The following ATF3 variants were observed in gnomAD, a reference collection of about 807,000 sequenced individuals.
ATF3 encodes the protein cyclic AMP-dependent transcription factor ATF-3.
ATF3 carries 10 observed loss-of-function variants against 18.4 expected under a neutral mutation model. The ratio of observed to expected loss-of-function variants is 0.54; its 90% CI spans 0.34 to 0.92. The LOEUF (loss-of-function observed/expected upper bound fraction) is 0.92. Among genes scored for constraint, ATF3 ranks in the 40% least tolerant of loss-of-function variants. ATF3 has a pLI of 0.02. For missense variants in ATF3, 183 were observed against 222.3 expected (o/e 0.82, Z 1.12); for synonymous variants, 78 against 87.9 (o/e 0.89, Z 0.63).
intron 1 of ATF3, among the ~76,000 whole-genome samples, chr1:212,567,225 G>T (rs778634993): frequency 4.0e-5 from 6 of 151,790 alleles, no homozygotes; most frequent in Non-Finnish European, 7.4e-5. Context: ...TGCAGCTGCC[G>T]TAGGAGCAGC....
intron 1 of ATF3, among the ~76,000 whole-genome samples, chr1:212,569,468 G>A (rs1364669314): frequency 6.6e-6 from 1 of 152,188 alleles, no homozygotes; most frequent in Non-Finnish European, 1.5e-5. Context: ...TTACTAGGAT[G>A]AAAGACAGGA....
At chr1:212,572,080 T>G (rs774559064) in intron 1 of ATF3, among the ~76,000 whole-genome samples, 4 of 152,228 alleles carry the variant, frequency 2.6e-5, no homozygotes, top group Non-Finnish European at 4.4e-5. Flanking sequence ...TGTACAGTGG[T>G]CTCAGAATAT....
At chr1:212,615,310 A>G in intron 2 of ATF3, 49 bp downstream of exon 2, 1 of 1,586,366 alleles carries the variant, frequency 6.3e-7, no homozygotes, top group Non-Finnish European at 8.6e-7. Context: ...TTTCGCTCGC[A>G]GCCACTGTGT....
intron 1 of ATF3, among the ~76,000 whole-genome samples, chr1:212,609,625 G>A (rs1654808637): frequency 6.6e-6 from 1 of 152,240 alleles, no homozygotes; most frequent in Non-Finnish European, 1.5e-5. Context: ...GGAAGACGGG[G>A]AGGGCTCCCG....
rs189712194 is a variant in ATF3, at chr1:212,582,320, G to T, written c.-5+16837G>T. Among the ~76,000 whole-genome samples, 241 of 152,288 alleles carry T rather than the reference G, an allele frequency of 1.6e-3. 1 individual carries two copies. Among genetic ancestry groups the T allele is most frequent in the Non-Finnish European group, 3.1e-3 (213 of 68,012 alleles). On this transcript the variant is annotated intron_variant, in intron 1 of 3. Transcript: ENST00000366981. ...GCCAGCCTCTGTAAATTCTGTATTGGTGAGCTCGTATTAATGCATTTTCTT... is the reference window on the plus strand; with the variant it reads ...GCCAGCCTCTGTAAATTCTGTATTGTTGAGCTCGTATTAATGCATTTTCTT...
rs769462789 is a variant in ATF3, at chr1:212,619,062, G to A, written c.349-296G>A. The A allele has an allele frequency of 1.9e-6, 3 of 1,614,204 alleles. No individual in the cohort carries two copies. Among genetic ancestry groups the A allele is most frequent in the Non-Finnish European group, 1.7e-6 (2 of 1,180,040 alleles). ...TCTCCCCAGCTCCCAAGGCCCTTTT[G>A]GGTCCAGAAGACCTGCATATGGGCT... On this transcript the variant is annotated intron_variant, in intron 3 of 3. Transcript: ENST00000341491. The surrounding 1 kb of genome is among the most constrained non-coding windows in gnomAD (Gnocchi z 4.4).
At chr1:212,571,491 T>C (rs1314445804) in intron 1 of ATF3, among the ~76,000 whole-genome samples, 1 of 152,052 alleles carries the variant, frequency 6.6e-6, no homozygotes, top group African/African-American at 2.4e-5. Context: ...TACTGCAACC[T>C]CCGCCTCCCA....
chr1:212,580,800 GCT>G (rs1231124746), intron 1 of ATF3, among the ~76,000 whole-genome samples: 1 of 151,998 alleles, frequency 6.6e-6, no homozygotes, highest in Non-Finnish European at 1.5e-5. Context: ...ACAGAGTCTC[GCT>G]CTGTCACCCA....
At chr1:212,581,766 C>T (rs1664689029) in intron 1 of ATF3, among the ~76,000 whole-genome samples, 1 of 151,996 alleles carries the variant, frequency 6.6e-6, no homozygotes, top group Non-Finnish European at 1.5e-5. Context: ...ATATCTTACA[C>T]ACAGATATAA....
At position 212,597,549 on chromosome 1, in the gene ATF3, C is replaced by T. The variant is rs182732534; in HGVS notation, c.-4-17469C>T. Among the ~76,000 whole-genome samples the T allele has an allele frequency of 8.5e-4, 129 of 152,178 alleles. 1 individual carries two copies. In the East Asian group the frequency reaches 0.019, roughly 23 times the overall value. Reference sequence around the variant, plus strand: ...CCCATATCAACCCTGCAAGGTGGGTCGTATTAGCTTTATGTTCAATGTTCC... The same window carrying T: ...CCCATATCAACCCTGCAAGGTGGGTTGTATTAGCTTTATGTTCAATGTTCC... On this transcript the variant is annotated intron_variant, in intron 1 of 3. Transcript: ENST00000366981.
intron 1 of ATF3, among the ~76,000 whole-genome samples, 174 bp from the exon 2 acceptor site, chr1:212,614,844 C>G (rs1194712939): frequency 6.6e-6 from 1 of 152,084 alleles, no homozygotes; most frequent in Non-Finnish European, 1.5e-5. Flanking sequence ...ATTTTAAGAA[C>G]CTGCTTTACT....
At chr1:212,616,654 G>C (rs996469670) in intron 2 of ATF3, among the ~76,000 whole-genome samples, 1 of 152,122 alleles carries the variant, frequency 6.6e-6, no homozygotes, top group African/African-American at 2.4e-5. Context: ...GGGCAGTAGG[G>C]GTAAGACAGA....
chr1:212,592,137 T>C (rs1025637408), intron 1 of ATF3, among the ~76,000 whole-genome samples: 3 of 151,500 alleles, frequency 2.0e-5, no homozygotes, highest in African/African-American at 7.3e-5. Context: ...TCTGTACCCA[T>C]TAAACAATAA....
rs1655261087 is a variant in ATF3 at position 212,619,186 on chromosome 1, G to A, written c.349-172G>A. On this transcript the variant is annotated intron_variant, in intron 3 of 3. Coordinates refer to ENST00000341491, the MANE Select transcript of ATF3 (RefSeq NM_001674.4). The surrounding 1 kb of genome is among the most constrained non-coding windows in gnomAD (Gnocchi z 4.4). ...CACCAGGGTTTCTCTGAAGAAGAGGGTCTGCATTTTCCTAAACCCAGTGCT... is the reference window on the plus strand; with the variant it reads ...CACCAGGGTTTCTCTGAAGAAGAGGATCTGCATTTTCCTAAACCCAGTGCT... 5.0e-6 allele frequency: 8 copies of A among 1,612,500 alleles called. No homozygotes were observed. Among genetic ancestry groups the A allele is most frequent in the Middle Eastern group, 1.8e-4 (1 of 5,458 alleles).
intron 1 of ATF3, among the ~76,000 whole-genome samples, chr1:212,596,127 A>T (rs183851249): frequency 8.9e-4 from 135 of 152,334 alleles, no homozygotes; most frequent in South Asian, 1.2e-3. Flanking sequence ...GAATTAATAA[A>T]CACAAGTGAA....
At chr1:212,602,734 C>T (rs911539843) in intron 1 of ATF3, among the ~76,000 whole-genome samples, 1 of 152,138 alleles carries the variant, frequency 6.6e-6, no homozygotes, top group African/African-American at 2.4e-5. Flanking sequence ...TAGTACATAG[C>T]ACGGAACACC....
At chr1:212,605,046 T>A (rs144774021), upstream of ATF3, among the ~76,000 whole-genome samples, 388 of 152,220 alleles carry the variant, frequency 2.5e-3, 2 homozygotes, top group Non-Finnish European at 4.4e-3. Flanking sequence ...ACTGAATGAG[T>A]TCCTGGAGAG....
chr1:212,575,228 A>G (rs2102622683), intron 1 of ATF3, among the ~76,000 whole-genome samples: 1 of 152,194 alleles, frequency 6.6e-6, no homozygotes, highest in Non-Finnish European at 1.5e-5. Context: ...TTATTCAATA[A>G]TACTTTCATA....
intron 1 of ATF3, among the ~76,000 whole-genome samples, chr1:212,577,539 C>A (rs952894376): frequency 6.6e-6 from 1 of 151,912 alleles, no homozygotes; most frequent in African/African-American, 2.4e-5. Flanking sequence ...ATCCTTTGAC[C>A]AACATCGCTT....
Sources: gnomAD v4.1 joint callset for allele counts (sites outside exome capture counted in the v4.1 genomes callset) on GRCh38, gnomAD v4.1.1 for gene constraint, Gnocchi (gnomAD v3.1) non-coding constraint, MANE v1.5 for transcripts, NCBI Gene and HGNC (gene_info 2026-07-23, HGNC 2026-07-21) for gene names.